RUNX1: variants seen among roughly 807,000 people sequenced by gnomAD.
RUNX1 encodes the protein runt-related transcription factor 1.
A neutral mutation model predicts 42.8 loss-of-function variants in RUNX1; 19 were observed. That is an observed-to-expected ratio of 0.44 (90% confidence interval 0.31 to 0.65). RUNX1 has a LOEUF of 0.65. Ranked by LOEUF, RUNX1 falls within the 30% of genes least tolerant of loss-of-function variation. RUNX1 has a pLI of 0.07. For missense variants in RUNX1, 528 were observed against 672.0 expected, an observed-to-expected ratio of 0.79 and a Z score of 2.37; for synonymous variants, 271 against 289.4, an observed-to-expected ratio of 0.94 and a Z score of 0.64.
intron 2 of RUNX1, among the ~76,000 whole-genome samples, chr21:35,000,060 A>G (rs577382620): frequency 6.6e-6 from 1 of 152,292 alleles, no homozygotes; most frequent in South Asian, 2.1e-4. Context: ...AAAGCAAATG[A>G]TGTCCAAAGT....
intron 2 of RUNX1, among the ~76,000 whole-genome samples, chr21:34,998,274 G>A (rs1241791225): frequency 1.3e-5 from 2 of 152,120 alleles, no homozygotes; most frequent in African/African-American, 4.8e-5. Context: ...CCTGAGCAGG[G>A]GCCACAGAGA....
At chr21:34,943,840 G>A (rs1044872830) in intron 2 of RUNX1, among the ~76,000 whole-genome samples, 1 of 152,050 alleles carries the variant, frequency 6.6e-6, no homozygotes, top group African/African-American at 2.4e-5. Context: ...CTTTATGCTC[G>A]CCTGACAGAG....
chr21:34,993,706 C>G (rs1309655069), intron 2 of RUNX1, among the ~76,000 whole-genome samples: 1 of 143,654 alleles, frequency 7.0e-6, no homozygotes, highest in Non-Finnish European at 1.5e-5. Context: ...CACACACACA[C>G]AGACACACAC....
chr21:34,974,417 T>C (rs1240570525), intron 2 of RUNX1, among the ~76,000 whole-genome samples: 1 of 149,746 alleles, frequency 6.7e-6, no homozygotes, highest in Non-Finnish European at 1.5e-5. Flanking sequence ...AAAAAGGTGG[T>C]TCAGTGTGGT....
chr21:34,879,656 C>T (rs891386722), intron 5 of RUNX1, among the ~76,000 whole-genome samples: 15 of 152,060 alleles, frequency 9.9e-5, no homozygotes, highest in African/African-American at 2.4e-4. Flanking sequence ...TAAGCTTAAT[C>T]GGTACTATAT....
intron 6 of RUNX1, among the ~76,000 whole-genome samples, chr21:34,837,807 G>A (rs2057170507): frequency 6.6e-6 from 1 of 152,152 alleles, no homozygotes; most frequent in African/African-American, 2.4e-5. Flanking sequence ...TGTTTACAGG[G>A]CGGTGCTTTA....
In RUNX1 at chr21:35,043,732, T is replaced by C. The variant is rs535931927; in HGVS notation, c.58+5110A>G. Among the ~76,000 whole-genome samples the C allele has an allele frequency of 3.9e-5, 6 of 152,302 alleles. No homozygotes were observed. In the South Asian group the frequency reaches 1.2e-3, roughly 32 times the overall value. On this transcript the variant is annotated intron_variant, in intron 2 of 8. Coordinates refer to ENST00000675419, the MANE Select transcript of RUNX1 (RefSeq NM_001754.5). ...TCATCTAGGTCACTAGGAAGTTACC[T>C]GAGAAACTGAAAATTTGCTTGAGTT...
At chr21:34,961,384 T>C (rs1220882437) in intron 2 of RUNX1, among the ~76,000 whole-genome samples, 1 of 151,678 alleles carries the variant, frequency 6.6e-6, no homozygotes, top group Non-Finnish European at 1.5e-5. Flanking sequence ...ATGATAATAA[T>C]AATAATAATA....
chr21:34,888,800 C>T (rs1243722936), intron 3 of RUNX1: 2 of 563,830 alleles, frequency 3.5e-6, no homozygotes, highest in Non-Finnish European at 4.6e-6. Context: ...ACAGGCCTTT[C>T]CGGTATCAGC....
At chr21:34,940,731 C>T (rs1310239231) in intron 2 of RUNX1, among the ~76,000 whole-genome samples, 1 of 152,198 alleles carries the variant, frequency 6.6e-6, no homozygotes, top group Non-Finnish European at 1.5e-5. Flanking sequence ...GTGCTGCTCC[C>T]CACATGAGGT....
intron 7 of RUNX1, among the ~76,000 whole-genome samples, chr21:34,819,097 T>C (rs1303738198): frequency 2.0e-5 from 3 of 152,134 alleles, no homozygotes; most frequent in African/African-American, 4.8e-5. Flanking sequence ...GATTCACTCA[T>C]CTCTAATGCT....
intron 7 of RUNX1, among the ~76,000 whole-genome samples, chr21:34,828,585 T>C (rs1447462886): frequency 6.6e-6 from 1 of 152,204 alleles, no homozygotes; most frequent in African/African-American, 2.4e-5. Context: ...TGCTATGGTT[T>C]GAATGTGTCT....
chr21:34,949,222 C>T (rs1042928187), intron 2 of RUNX1, among the ~76,000 whole-genome samples: 4 of 152,118 alleles, frequency 2.6e-5, no homozygotes, highest in African/African-American at 9.7e-5. Context: ...AATGACACAC[C>T]AAAGTCCTTT....
At chr21:35,026,033 T>C (rs186410740) in intron 2 of RUNX1, among the ~76,000 whole-genome samples, 97 of 152,286 alleles carry the variant, frequency 6.4e-4, no homozygotes, top group African/African-American at 2.3e-3. Flanking sequence ...GGAGACTTTC[T>C]GGTGCACCGT....
chr21:34,969,105 C>T (rs2058741471), intron 2 of RUNX1, among the ~76,000 whole-genome samples: 1 of 152,146 alleles, frequency 6.6e-6, no homozygotes, highest in African/African-American at 2.4e-5. Context: ...AAGTACAGGC[C>T]TCTGTCTGCT....
intron 2 of RUNX1, among the ~76,000 whole-genome samples, chr21:34,998,752 A>G (rs994846808): frequency 5.9e-5 from 9 of 152,160 alleles, no homozygotes; most frequent in Non-Finnish European, 1.5e-5. Flanking sequence ...CGAGTTAGCC[A>G]GGATGGTCTC....
chr21:34,874,592 A>G (rs984242793), intron 5 of RUNX1, among the ~76,000 whole-genome samples: 9 of 133,342 alleles, frequency 6.7e-5, no homozygotes, highest in Admixed American at 1.5e-4. Context: ...CCTAGGCAAC[A>G]AGAGGGAAAC....
At chr21:34,977,816 G>C (rs2058814335) in intron 2 of RUNX1, among the ~76,000 whole-genome samples, 1 of 152,156 alleles carries the variant, frequency 6.6e-6, no homozygotes, top group African/African-American at 2.4e-5. Context: ...CTTCTAGTGT[G>C]ACCTATTGCT....
chr21:34,859,724 C>A (rs1256946225), intron 5 of RUNX1, 146 bp from the exon 6 acceptor site: 1 of 748,906 alleles, frequency 1.3e-6, no homozygotes, highest in Non-Finnish European at 2.4e-6. Context: ...GGCTTTGCTT[C>A]AATTCTGGAA....
Sources: gnomAD v4.1 joint callset for allele counts (sites outside exome capture counted in the v4.1 genomes callset) on GRCh38, gnomAD v4.1.1 for gene constraint, MANE v1.5 for transcripts, NCBI Gene and HGNC (gene_info 2026-07-23, HGNC 2026-07-21) for gene names.